Variants in STRIP1 observed in about 807,000 individuals in gnomAD.
The protein encoded by STRIP1 is striatin interacting protein 1.
STRIP1 carries 63 observed loss-of-function variants against 106.2 expected under a neutral mutation model. That is an observed-to-expected ratio of 0.59 (90% CI 0.48 to 0.73). STRIP1 has a LOEUF of 0.73. Ranked by LOEUF, STRIP1 falls within the 30% of genes least tolerant of loss-of-function variation. The pLI, the probability that STRIP1 is intolerant of heterozygous loss-of-function variation, is 0.00. For missense variants in STRIP1, 857 were observed against 1,074.8 expected, an observed-to-expected ratio of 0.80 and a Z score of 2.83; for synonymous variants, 390 against 413.0, an observed-to-expected ratio of 0.94 and a Z score of 0.67.
chr1:110,047,375 C>T (rs1201215737), intron 13 of STRIP1, among the ~76,000 whole-genome samples, 167 bp from the exon 14 acceptor site: 1 of 152,186 alleles, frequency 6.6e-6, no homozygotes, highest in Non-Finnish European at 1.5e-5. Flanking sequence ...TGAGTTATTA[C>T]AAGTAAAATG....
At chr1:110,039,895 C>T (rs949161826) in intron 5 of STRIP1, 2 of 1,294,744 alleles carry the variant, frequency 1.5e-6, no homozygotes, top group Admixed American at 2.3e-5. Context: ...ATGGGCTCAA[C>T]CAGTGCCTGG....
Position 110,039,181 on chromosome 1 carries a change from A to G in STRIP1, c.335A>G (p.Lys112Arg). 1.2e-6 allele frequency: 2 copies of G among 1,614,130 alleles called. No individual in the cohort carries two copies. Among genetic ancestry groups the G allele is most frequent in the Non-Finnish European group, 1.7e-6 (2 of 1,179,984 alleles). Reference sequence around the variant, plus strand: ...GTTTCTTGCCCTGCAGTGACAGACAAGAAGTGGACTGAGCTGGATACCAAC... The same window carrying G: ...GTTTCTTGCCCTGCAGTGACAGACAGGAAGTGGACTGAGCTGGATACCAAC... ...EEDFRIHVTDKKWTELDTNQH... is the reference protein window; with the variant it reads ...EEDFRIHVTDRKWTELDTNQH... The change falls in exon 4 of 21, where the codon AAG becomes AGG. Residue 112 changes from lysine (K) to arginine (R), a missense_variant. Physicochemically the swap from Lys to Arg is conservative, Grantham distance 26. Transcript: ENST00000369795.
chr1:110,039,482 A>T lies in STRIP1; in HGVS notation c.548A>T (p.Asn183Ile), dbSNP rs147025127. Reference sequence around the variant, plus strand: ...CTCCTCCTGGAGGTGGGCACGTTCAATGCTTTGGTGGAGCTTCTGAACATG... The same window carrying T: ...CTCCTCCTGGAGGTGGGCACGTTCATTGCTTTGGTGGAGCTTCTGAACATG... ...IFLLLEVGTFNALVELLNMEI... is the reference protein window; with the variant it reads ...IFLLLEVGTFIALVELLNMEI... The change falls in exon 5 of 21, where the codon AAT becomes ATT. Residue 183 changes from asparagine (N) to isoleucine (I), a missense_variant. This residue lies in a region of STRIP1 where 750 missense variants were observed against 989.8 expected (regional missense o/e 0.76). Transcript: ENST00000369795. 2.5e-6 allele frequency: 4 copies of T among 1,609,704 alleles called. No homozygotes were observed. The highest frequency in any genetic ancestry group is 3.4e-6 in the Non-Finnish European group (4 of 1,178,060).
At chr1:110,042,341 C>T (rs2101772471) in intron 8 of STRIP1, among the ~76,000 whole-genome samples, 1 of 152,326 alleles carries the variant, frequency 6.6e-6, no homozygotes, top group South Asian at 2.1e-4. Context: ...GGCCGTCCAG[C>T]ACACTGGGCT....
At chr1:110,052,553 T>C (rs1653347575) in intron 20 of STRIP1, among the ~76,000 whole-genome samples, 1 of 152,150 alleles carries the variant, frequency 6.6e-6, no homozygotes, top group South Asian at 2.1e-4. Flanking sequence ...CACTGCAACC[T>C]CTGCCCCCCA....
At chr1:110,039,886 T>G (rs7521022) in intron 5 of STRIP1, 1 of 1,295,108 alleles carries the variant, frequency 7.7e-7, no homozygotes, top group African/African-American at 1.5e-5. Flanking sequence ...GACTGACATA[T>G]GGGCTCAACC....
chr1:110,039,624 G>A, intron 5 of STRIP1, 109 bp downstream of exon 5: 1 of 1,344,426 alleles, frequency 7.4e-7, no homozygotes. Flanking sequence ...CAGAAGTTCT[G>A]GTCCCAGGCT....
chr1:110,039,703 G>A, intron 5 of STRIP1, 188 bp downstream of exon 5: 1 of 990,062 alleles, frequency 1.0e-6, no homozygotes, highest in Non-Finnish European at 1.5e-6. Context: ...GGAGACTAAT[G>A]ACAGGTCCCT....
At chr1:110,035,025 C>T (rs1311362889) in intron 1 of STRIP1, among the ~76,000 whole-genome samples, 2 of 152,212 alleles carry the variant, frequency 1.3e-5, no homozygotes, top group African/African-American at 4.8e-5. Flanking sequence ...CTCCGCCGCC[C>T]GGGAGAGCTT....
At chr1:110,037,333 G>A (rs1652507592) in intron 1 of STRIP1, among the ~76,000 whole-genome samples, 1 of 152,226 alleles carries the variant, frequency 6.6e-6, no homozygotes, top group Non-Finnish European at 1.5e-5. Context: ...TGTGTGGGAG[G>A]GAAGTTGATC....
At chr1:110,046,110 A>T (rs181881607) in intron 12 of STRIP1, among the ~76,000 whole-genome samples, 301 of 152,308 alleles carry the variant, frequency 2.0e-3, no homozygotes, top group African/African-American at 6.9e-3. Flanking sequence ...CTGTTGCTGT[A>T]GCTATCTGAA....
chr1:110,040,619 T>C lies in STRIP1; in HGVS notation c.582-16T>C, dbSNP rs1352429478. On this transcript the variant is annotated splice_polypyrimidine_tract_variant and intron_variant, in intron 5 of 20. Coordinates refer to ENST00000369795, the MANE Select transcript of STRIP1 (RefSeq NM_033088.4). The stretch of plus-strand genomic sequence containing the variant: ...CCTTCTTGGAGGAAGATGCTGACTC[T>C]CAAAATCTCCTGCAGCAACAGTGCC... The C allele has an allele frequency of 2.5e-6, 4 of 1,606,898 alleles. No individual in the cohort carries two copies. In the South Asian group the frequency reaches 3.3e-5, roughly 13 times the overall value.
At chr1:110,043,557 A>T in intron 9 of STRIP1, 82 bp from the exon 10 acceptor site, 1 of 1,239,080 alleles carries the variant, frequency 8.1e-7, no homozygotes, top group Non-Finnish European at 1.2e-6. Flanking sequence ...GGACACCTGT[A>T]TGTGCTGTGT....
intron 1 of STRIP1, among the ~76,000 whole-genome samples, chr1:110,035,153 C>T (rs1187435063): frequency 1.3e-5 from 2 of 152,136 alleles, no homozygotes; most frequent in African/African-American, 2.4e-5. Flanking sequence ...AGTCGGGGGT[C>T]TTGGTGCACT....
chr1:110,045,256 A>G lies in STRIP1; in HGVS notation c.1416+178A>G, dbSNP rs192202392. 19 of 603,104 alleles carry G rather than the reference A, an allele frequency of 3.2e-5. No individual in the cohort carries two copies. The East Asian group carries it at 3.4e-4, about 11-fold the overall frequency. 37.4% of individuals were successfully genotyped at this position (603,104 alleles called of 1,614,324 possible). ...TTTCGTAAGTTTTGCTTGTTTTATT[A>G]TAAGTTTTACTTGTTTTAGCTGAGC... On this transcript the variant is annotated intron_variant, in intron 12 of 20. Coordinates refer to ENST00000369795, the MANE Select transcript of STRIP1 (RefSeq NM_033088.4).
intron 3 of STRIP1, 39 bp downstream of exon 3, chr1:110,038,796 G>T (rs1189077736): frequency 1.9e-6 from 3 of 1,579,658 alleles, no homozygotes; most frequent in Non-Finnish European, 2.6e-6. Context: ...CCTTTGCCCT[G>T]CATAACGAGA....
rs1652965957 is a variant in STRIP1, at chr1:110,045,238, A to G, written c.1416+160A>G. On this transcript the variant is annotated intron_variant, in intron 12 of 20. Transcript: ENST00000369795. The stretch of plus-strand genomic sequence containing the variant: ...ATAACCTTGCAAACAGTCTTTCGTA[A>G]GTTTTGCTTGTTTTATTATAAGTTT... The G allele has an allele frequency of 6.4e-6, 4 of 627,430 alleles. No homozygotes were observed. The East Asian group carries it at 1.1e-4, about 17-fold the overall frequency. The allele number at this position is 627,430 out of a possible 1,614,324, so 38.9% of individuals were successfully genotyped here.
intron 5 of STRIP1, chr1:110,040,002 C>CCGGGACACACAGGCACTCAA: frequency 1.2e-6 from 1 of 817,472 alleles, no homozygotes; most frequent in Non-Finnish European, 1.8e-6. Context: ...CATTGAGTGC[C>CCGGGACACACAGGCACTCAA]TGTGTGTCCC....
At chr1:110,042,129 G>T (rs532891247) in intron 8 of STRIP1, among the ~76,000 whole-genome samples, 1 of 152,294 alleles carries the variant, frequency 6.6e-6, no homozygotes, top group Admixed American at 6.5e-5. Context: ...CTCTCCCCCA[G>T]ACAAGTTGCC....
Sources: allele counts gnomAD v4.1 joint callset (sites outside exome capture counted in the v4.1 genomes callset), GRCh38; gene constraint gnomAD v4.1.1; regional missense constraint gnomAD v4.1.1; transcripts MANE v1.5; gene names NCBI Gene and HGNC (gene_info 2026-07-23, HGNC 2026-07-21).